The following KCNQ5 variants were observed in gnomAD, a reference collection of about 807,000 sequenced individuals.
KCNQ5 encodes potassium voltage-gated channel subfamily KQT member 5.
A neutral mutation model predicts 98.2 loss-of-function variants in KCNQ5; 30 were observed. The observed-to-expected ratio is 0.31, with a 90% confidence interval of 0.23 to 0.41. KCNQ5 has a LOEUF of 0.41. Ranked by LOEUF, KCNQ5 falls within the 10% of genes least tolerant of loss-of-function variation. The pLI, the probability that KCNQ5 is intolerant of heterozygous loss-of-function variation, is 1.00. For missense variants in KCNQ5, 835 were observed against 1,182.5 expected (o/e 0.71, Z 4.31); for synonymous variants, 458 against 449.4 (o/e 1.02, Z -0.24).
intron 1 of KCNQ5, among the ~76,000 whole-genome samples, chr6:72,630,832 C>CT (rs1025554803): frequency 1.3e-5 from 2 of 152,054 alleles, no homozygotes; most frequent in African/African-American, 4.8e-5. Context: ...GATGGGCAAT[C>CT]TTTGAGGAAG....
chr6:72,954,876 G>T (rs1186751191), intron 1 of KCNQ5, among the ~76,000 whole-genome samples: 1 of 152,184 alleles, frequency 6.6e-6, no homozygotes, highest in Non-Finnish European at 1.5e-5. Flanking sequence ...GAATCTGGGG[G>T]CCATGGCCCT....
At chr6:72,799,869 A>G (rs1256198688) in intron 1 of KCNQ5, among the ~76,000 whole-genome samples, 3 of 152,198 alleles carry the variant, frequency 2.0e-5, no homozygotes, top group Non-Finnish European at 4.4e-5. Context: ...CAAATAGTGT[A>G]ACAGAGAATT....
intron 2 of KCNQ5, among the ~76,000 whole-genome samples, chr6:73,025,587 T>C (rs4706523): frequency 0.72 from 103,575 of 143,402 alleles, 38,103 homozygotes; most frequent in Non-Finnish European, 0.81. Context: ...TGCACCACTG[T>C]ACTCCAGCCT....
intron 1 of KCNQ5, among the ~76,000 whole-genome samples, chr6:72,709,583 G>T (rs1769257415): frequency 6.6e-6 from 1 of 152,218 alleles, no homozygotes; most frequent in African/African-American, 2.4e-5. Context: ...TTCTCTTCAT[G>T]TTCTGCAAAT....
At chr6:72,863,503 T>C (rs773731668) in intron 1 of KCNQ5, among the ~76,000 whole-genome samples, 1 of 152,218 alleles carries the variant, frequency 6.6e-6, no homozygotes, top group Non-Finnish European at 1.5e-5. Context: ...TTACACACAG[T>C]GCATTTTATT....
chr6:72,798,429 A>G (rs889384249), intron 1 of KCNQ5, among the ~76,000 whole-genome samples: 8 of 152,184 alleles, frequency 5.3e-5, no homozygotes, highest in African/African-American at 1.9e-4. Context: ...GAAGTGAGTT[A>G]GTCATCAGAA....
At position 73,158,279 on chromosome 6, in the gene KCNQ5, T is replaced by G. The variant is rs1408795376; in HGVS notation, c.1469-11467T>G. On this transcript the variant is annotated intron_variant, in intron 10 of 13. Transcript: ENST00000370398. ...ATTTTTTTTTTTTTTTTTTTTTTTT[T>G]TTTTGTGGAGACGGAGTCTCCCTCT... The G allele has an allele frequency of 2.0e-3, 382 of 186,622 alleles. 6 individuals carry two copies. The highest frequency in any genetic ancestry group is 0.011 in the South Asian group (115 of 10,230). 11.6% of individuals were successfully genotyped at this position (186,622 alleles called of 1,614,324 possible).
At chr6:72,633,662 CAG>C (rs1271848421) in intron 1 of KCNQ5, among the ~76,000 whole-genome samples, 4 of 152,174 alleles carry the variant, frequency 2.6e-5, no homozygotes, top group Non-Finnish European at 4.4e-5. Context: ...CCAAACAAAA[CAG>C]TGTGGTACTC....
chr6:73,111,845 G>A lies in KCNQ5; in HGVS notation c.1125+442G>A, dbSNP rs570951442. 2.6e-5 allele frequency among the ~76,000 whole-genome samples: 4 copies of A among 152,290 alleles called. No homozygotes were observed. The South Asian group carries it at 8.3e-4, about 32-fold the overall frequency. ...CAACATATTTGTTTAGAATGTCAAG[G>A]TTTAATACCTGTGAAATTGCTTTTA... On this transcript the variant is annotated intron_variant, in intron 7 of 13. Coordinates refer to ENST00000370398, the MANE Select transcript of KCNQ5 (RefSeq NM_019842.4).
chr6:72,866,808 C>G (rs769653997), intron 1 of KCNQ5, among the ~76,000 whole-genome samples: 24 of 152,174 alleles, frequency 1.6e-4, no homozygotes, highest in Admixed American at 4.6e-4. Flanking sequence ...GACCTTGAAC[C>G]TCATAACCTC....
intron 1 of KCNQ5, among the ~76,000 whole-genome samples, chr6:72,976,618 G>C (rs1026691367): frequency 3.9e-5 from 6 of 152,150 alleles, no homozygotes; most frequent in African/African-American, 1.2e-4. Context: ...TGGGCACACT[G>C]TGAATTCATT....
chr6:72,793,438 G>A (rs1774165644), intron 1 of KCNQ5, among the ~76,000 whole-genome samples: 1 of 152,118 alleles, frequency 6.6e-6, no homozygotes, highest in Admixed American at 6.5e-5. Context: ...GCATTTAGGT[G>A]CCACCATCCA....
At chr6:72,644,458 T>C (rs1263386468) in intron 1 of KCNQ5, among the ~76,000 whole-genome samples, 1 of 152,144 alleles carries the variant, frequency 6.6e-6, no homozygotes, top group Non-Finnish European at 1.5e-5. Flanking sequence ...GAGGAGAGGT[T>C]CAAATTTTTG....
intron 1 of KCNQ5, among the ~76,000 whole-genome samples, chr6:72,836,095 T>G (rs1440591925): frequency 2.0e-5 from 3 of 152,196 alleles, no homozygotes; most frequent in Admixed American, 6.5e-5. Flanking sequence ...TTCTTGTTAT[T>G]TTTGTTTGTT....
intron 1 of KCNQ5, among the ~76,000 whole-genome samples, chr6:72,971,809 AG>A (rs1166067745): frequency 6.6e-6 from 1 of 152,164 alleles, no homozygotes; most frequent in Admixed American, 6.5e-5. Context: ...GGACACAGGA[AG>A]GGGGACATCA....
chr6:72,770,250 A>C (rs1270600809), intron 1 of KCNQ5, among the ~76,000 whole-genome samples: 1 of 152,124 alleles, frequency 6.6e-6, no homozygotes, highest in Non-Finnish European at 1.5e-5. Context: ...GAAGAGAGGA[A>C]AGAGACAAAG....
intron 1 of KCNQ5, among the ~76,000 whole-genome samples, chr6:73,002,551 C>A (rs1442527318): frequency 6.6e-6 from 1 of 152,104 alleles, no homozygotes; most frequent in Non-Finnish European, 1.5e-5. Flanking sequence ...CTTGTAGGAA[C>A]CCCTCTATGA....
chr6:73,091,159 C>A (rs1774230269), intron 5 of KCNQ5, among the ~76,000 whole-genome samples: 1 of 152,138 alleles, frequency 6.6e-6, no homozygotes, highest in South Asian at 2.1e-4. Flanking sequence ...AGGATGAGTT[C>A]ATGTCCTTTG....
At chr6:72,975,342 G>A (rs1413968316) in intron 1 of KCNQ5, among the ~76,000 whole-genome samples, 1 of 152,088 alleles carries the variant, frequency 6.6e-6, no homozygotes, top group Non-Finnish European at 1.5e-5. Flanking sequence ...CCAGAGGAGT[G>A]ACTACAGCTT....
Sources: allele counts gnomAD v4.1 joint callset (sites outside exome capture counted in the v4.1 genomes callset), GRCh38; gene constraint gnomAD v4.1.1; transcripts MANE v1.5; gene names NCBI Gene and HGNC (gene_info 2026-07-23, HGNC 2026-07-21).